Variants in ERG observed in about 807,000 individuals in gnomAD.
ERG encodes transcriptional regulator ERG.
In ERG, 9 loss-of-function variants were observed where a neutral mutation model predicts 55.3. The observed-to-expected ratio is 0.16, with a 90% CI of 0.10 to 0.28. The LOEUF is 0.28. Among genes scored for constraint, ERG ranks in the 10% least tolerant of loss-of-function variants. The pLI is 1.00. For synonymous variants in ERG, 223 were observed against 237.3 expected (o/e 0.94, Z 0.55); for missense variants, 434 against 631.6 (o/e 0.69, Z 3.35).
chr21:38,449,594 G>T (rs1354574307), intron 1 of ERG, among the ~76,000 whole-genome samples: 1 of 152,028 alleles, frequency 6.6e-6, no homozygotes, highest in Non-Finnish European at 1.5e-5. Context: ...AAATACATTA[G>T]AACACTGAAA....
intron 6 of ERG, among the ~76,000 whole-genome samples, chr21:38,394,009 C>T (rs543270234): frequency 1.3e-5 from 2 of 152,276 alleles, no homozygotes; most frequent in South Asian, 4.1e-4. Context: ...ACTTAAGTCT[C>T]TGGGAACACT....
At chr21:38,600,357 G>C (rs561404463) in intron 1 of ERG, among the ~76,000 whole-genome samples, 1 of 152,298 alleles carries the variant, frequency 6.6e-6, no homozygotes, top group South Asian at 2.1e-4. Context: ...TCTGTAGCTG[G>C]GGTCCCATTT....
chr21:38,576,497 T>C (rs2059995504), intron 1 of ERG, among the ~76,000 whole-genome samples: 1 of 152,188 alleles, frequency 6.6e-6, no homozygotes, highest in South Asian at 2.1e-4. Context: ...AAAACACCGC[T>C]TAAATAAATT....
chr21:38,475,530 G>A (rs1240748654), intron 1 of ERG, among the ~76,000 whole-genome samples: 5 of 152,248 alleles, frequency 3.3e-5, no homozygotes, highest in East Asian at 1.9e-4. Context: ...GCCTGTCCCC[G>A]CCTTGGGGTC....
chr21:38,653,036 C>T (rs764513759), intron 1 of ERG, among the ~76,000 whole-genome samples: 1 of 152,216 alleles, frequency 6.6e-6, no homozygotes, highest in African/African-American at 2.4e-5. Context: ...CTAGATTCCA[C>T]GGCATGCACA....
At chr21:38,631,144 G>A (rs772830452) in intron 1 of ERG, among the ~76,000 whole-genome samples, 1 of 152,054 alleles carries the variant, frequency 6.6e-6, no homozygotes, top group East Asian at 1.9e-4. Flanking sequence ...CTTTTTCCGG[G>A]GAGTTGACCA....
In ERG at chr21:38,381,871, C is replaced by T. The variant is rs183723337; in HGVS notation, c.*1532G>A. 120 of 1,063,444 alleles carry T rather than the reference C, an allele frequency of 1.1e-4. No homozygotes were observed. The highest frequency in any genetic ancestry group is 1.3e-4 in the Non-Finnish European group (114 of 878,154). The allele number at this position is 1,063,444 out of a possible 1,614,324, so 65.9% of individuals were successfully genotyped here. A position where few individuals can be genotyped will look rare whatever the true frequency, so the allele number is the denominator to read the frequency against. On this transcript the variant is annotated 3_prime_UTR_variant, in exon 10 of 10. Coordinates refer to ENST00000288319, the MANE Select transcript of ERG (RefSeq NM_182918.4). ...GGCAAGAAGGACCTGGAGAGGCTGA[C>T]GCCATTTGGGTGCCAAACATCCTAT...
rs5843921 is a variant in ERG, at chr21:38,623,321, CCACACACACA to C, written c.-150+38327_-150+38336del. Among the ~76,000 whole-genome samples the C allele has an allele frequency of 2.5e-3, 372 of 148,354 alleles. 2 individuals are homozygous for C. Among genetic ancestry groups the C allele is most frequent in the African/African-American group, 8.5e-3 (341 of 40,248 alleles). On this transcript the variant is annotated intron_variant, in intron 1 of 10. Transcript: ENST00000398910. ...CCACACACCACACACCACATACGCA[CCACACACACA>C]CACACACACACACTGCACACACAAT...
At position 38,429,612 on chromosome 21, in the gene ERG, TAC is replaced by T. The variant is rs1366959602; in HGVS notation, c.237-6053_237-6052del. Among the ~76,000 whole-genome samples the T allele has an allele frequency of 1.5e-5, 2 of 131,320 alleles. 1 individual carries two copies. Among genetic ancestry groups the T allele is most frequent in the Non-Finnish European group, 3.3e-5 (2 of 59,704 alleles). 86.2% of individuals were successfully genotyped at this position (131,320 alleles called of 152,430 possible). On this transcript the variant is annotated intron_variant, in intron 2 of 9. Transcript: ENST00000288319. Reference sequence around the variant, plus strand: ...GTGTATATGTACATGTATACACATGTACATATATACATATGTGTATATATACA... The same window carrying T: ...GTGTATATGTACATGTATACACATGTATATATACATATGTGTATATATACA...
At chr21:38,476,129 C>G (rs1309321243) in intron 1 of ERG, among the ~76,000 whole-genome samples, 1 of 152,122 alleles carries the variant, frequency 6.6e-6, no homozygotes, top group Non-Finnish European at 1.5e-5. Context: ...ACAGGTGCTC[C>G]CTGCCACAGG....
intron 2 of ERG, among the ~76,000 whole-genome samples, chr21:38,528,435 T>C (rs1199741469): frequency 4.0e-5 from 1 of 25,270 alleles, no homozygotes; most frequent in East Asian, 5.0e-4. Flanking sequence ...ATAGCAAACT[T>C]TTTTTTTTTT....
intron 3 of ERG, among the ~76,000 whole-genome samples, chr21:38,416,075 G>A (rs1335997977): frequency 6.6e-6 from 1 of 152,206 alleles, no homozygotes; most frequent in Non-Finnish European, 1.5e-5. Context: ...GTGGGGGAAT[G>A]TCAATATTTA....
At chr21:38,509,462 A>G (rs569734920) in intron 2 of ERG, among the ~76,000 whole-genome samples, 2 of 152,360 alleles carry the variant, frequency 1.3e-5, no homozygotes, top group African/African-American at 4.8e-5. Flanking sequence ...CCCAACAGAA[A>G]GGACATAAGA....
rs138197918 is a variant in ERG at position 38,433,489 on chromosome 21, A to G, written c.237-9928T>C. 6.5e-3 allele frequency among the ~76,000 whole-genome samples: 993 copies of G among 152,310 alleles called. 13 individuals are homozygous for G. The highest frequency in any genetic ancestry group is 0.022 in the African/African-American group (923 of 41,560). ...TGAAAAAACATACTGAGAAATGTAA[A>G]ATTTGGTCTTTAGTCTTTGAAAAAC... On this transcript the variant is annotated intron_variant, in intron 2 of 9. Transcript: ENST00000288319.
intron 2 of ERG, among the ~76,000 whole-genome samples, chr21:38,521,397 G>A (rs181941425): frequency 2.6e-4 from 40 of 152,220 alleles, no homozygotes; most frequent in African/African-American, 9.1e-4. Context: ...ACAGACCTCA[G>A]ACCAAAGTCT....
In ERG at chr21:38,402,538, G is replaced by T; in HGVS notation, c.673+19C>A. On this transcript the variant is annotated intron_variant, in intron 5 of 9. Coordinates refer to ENST00000288319, the MANE Select transcript of ERG (RefSeq NM_182918.4). ...GACCCTACGCTCTTGCTGGGAGGCA[G>T]GGGCGGGGCCAGCATTACCTGTGTT... 1 of 1,599,798 alleles carries T rather than the reference G, an allele frequency of 6.3e-7. No individual in the cohort carries two copies.
At chr21:38,657,345 C>T (rs1043767677) in intron 1 of ERG, among the ~76,000 whole-genome samples, 51 of 152,118 alleles carry the variant, frequency 3.4e-4, no homozygotes, top group South Asian at 2.1e-4. Context: ...TTATGACATG[C>T]GACCCTAAAA....
the ERG span, among the ~76,000 whole-genome samples, chr21:38,374,215 C>T: frequency 6.6e-6 from 1 of 152,236 alleles, no homozygotes; most frequent in Non-Finnish European, 1.5e-5. Context: ...CCCACAGACC[C>T]TGACCCAATG....
At chr21:38,634,549 G>A (rs1035864531) in intron 1 of ERG, among the ~76,000 whole-genome samples, 7 of 152,118 alleles carry the variant, frequency 4.6e-5, no homozygotes, top group Non-Finnish European at 7.4e-5. Context: ...AAAACTCTTC[G>A]AGTCCAGTTT....
Sources: allele counts gnomAD v4.1 joint callset (sites outside exome capture counted in the v4.1 genomes callset), GRCh38; gene constraint gnomAD v4.1.1; transcripts MANE v1.5; gene names NCBI Gene and HGNC (gene_info 2026-07-23, HGNC 2026-07-21).